The following VWA3B variants were observed in gnomAD, a reference collection of about 807,000 sequenced individuals.
The protein encoded by VWA3B is von Willebrand factor A domain-containing protein 3B.
Under a neutral mutation model 158.3 loss-of-function variants are expected in VWA3B, and 138 were observed. The observed-to-expected ratio is 0.87, with a 90% CI of 0.76 to 1.00. VWA3B has a LOEUF of 1.00. Ranked by LOEUF, VWA3B falls within the 50% of genes least tolerant of loss-of-function variation. The probability of loss-of-function intolerance (pLI) is 0.00; values close to 1 mark genes in which losing one functional copy is unlikely to be tolerated. For missense variants in VWA3B, 1,555 were observed against 1,565.1 expected, an observed-to-expected ratio of 0.99 and a Z score of 0.11; for synonymous variants, 596 against 587.3, an observed-to-expected ratio of 1.01 and a Z score of -0.21.
chr2:98,168,366 T>TACACACATACACAC (rs1299335759), intron 8 of VWA3B, among the ~76,000 whole-genome samples: 1 of 107,684 alleles, frequency 9.3e-6, no homozygotes, highest in Non-Finnish European at 2.0e-5. Context: ...TTCAATCTAA[T>TACACACATACACAC]ACACACACAT....
At chr2:98,226,103 T>C (rs1684899251) in intron 14 of VWA3B, among the ~76,000 whole-genome samples, 1 of 152,106 alleles carries the variant, frequency 6.6e-6, no homozygotes, top group South Asian at 2.1e-4. Flanking sequence ...ATATGACAAG[T>C]CACAGGCTCT....
chr2:98,195,102 T>A (rs1681930723), intron 12 of VWA3B, among the ~76,000 whole-genome samples: 1 of 152,204 alleles, frequency 6.6e-6, no homozygotes, highest in African/African-American at 2.4e-5. Flanking sequence ...CATTGCGAAC[T>A]TCCAAATATT....
At chr2:98,141,371 C>T (rs1278446860) in intron 7 of VWA3B, among the ~76,000 whole-genome samples, 1 of 152,134 alleles carries the variant, frequency 6.6e-6, no homozygotes, top group African/African-American at 2.4e-5. Context: ...GGTAAGGCCT[C>T]AGGAAACTTC....
chr2:98,146,784 T>C (rs1677205127), intron 7 of VWA3B, among the ~76,000 whole-genome samples: 1 of 152,178 alleles, frequency 6.6e-6, no homozygotes, highest in South Asian at 2.1e-4. Context: ...TCATTTACCC[T>C]CATAATTTCT....
chr2:98,252,819 C>T (rs1165954256), intron 20 of VWA3B, among the ~76,000 whole-genome samples: 3 of 152,146 alleles, frequency 2.0e-5, no homozygotes, highest in East Asian at 1.9e-4. Context: ...CCAAAACAAA[C>T]ATAGTAAGTC....
intron 13 of VWA3B, among the ~76,000 whole-genome samples, chr2:98,215,436 A>G (rs1683896722): frequency 6.6e-6 from 1 of 150,434 alleles, no homozygotes; most frequent in East Asian, 2.0e-4. Flanking sequence ...GCGAGACTCC[A>G]TCTAAAAAAA....
chr2:98,212,675 T>C (rs1171557325), intron 13 of VWA3B, among the ~76,000 whole-genome samples: 1 of 152,244 alleles, frequency 6.6e-6, no homozygotes, highest in East Asian at 1.9e-4. Context: ...GGTTTGCATA[T>C]GCAGACTGCT....
intron 7 of VWA3B, among the ~76,000 whole-genome samples, chr2:98,152,153 C>T (rs1243920000): frequency 6.6e-6 from 1 of 152,218 alleles, no homozygotes; most frequent in Non-Finnish European, 1.5e-5. Flanking sequence ...GCCTGTCCTT[C>T]CTCTACCACA....
chr2:98,258,463 A>G (rs1391662569), intron 21 of VWA3B, among the ~76,000 whole-genome samples: 2 of 151,984 alleles, frequency 1.3e-5, no homozygotes, highest in East Asian at 3.9e-4. Context: ...CATTTTAACA[A>G]TATTGTTTTC....
At chr2:98,098,068 T>C (rs932695905) in intron 2 of VWA3B, among the ~76,000 whole-genome samples, 2 of 152,182 alleles carry the variant, frequency 1.3e-5, no homozygotes, top group Non-Finnish European at 2.9e-5. Flanking sequence ...TTTTATACCA[T>C]TGTGGTCTGA....
At chr2:98,128,868 CT>C (rs1405749285) in intron 6 of VWA3B, among the ~76,000 whole-genome samples, 1 of 152,248 alleles carries the variant, frequency 6.6e-6, no homozygotes, top group East Asian at 1.9e-4. Context: ...TACCCTTCCT[CT>C]CCTGTTCCTT....
At chr2:98,164,380 T>C (rs1417739357) in intron 8 of VWA3B, among the ~76,000 whole-genome samples, 2 of 152,230 alleles carry the variant, frequency 1.3e-5, no homozygotes, top group Non-Finnish European at 2.9e-5. Flanking sequence ...AAGACTGATT[T>C]GCATTCCCTA....
chr2:98,162,538 T>C (rs937874312), intron 7 of VWA3B, among the ~76,000 whole-genome samples: 2 of 152,156 alleles, frequency 1.3e-5, no homozygotes, highest in Non-Finnish European at 2.9e-5. Flanking sequence ...TTGTGTGAGG[T>C]GCTTTTGAAT....
intron 8 of VWA3B, among the ~76,000 whole-genome samples, chr2:98,168,111 T>C (rs1235081226): frequency 1.3e-5 from 2 of 152,154 alleles, no homozygotes; most frequent in Non-Finnish European, 2.9e-5. Flanking sequence ...AAAAATGTCA[T>C]CCGTGATAAG....
intron 2 of VWA3B, among the ~76,000 whole-genome samples, chr2:98,111,585 AC>A (rs1160838170): frequency 1.3e-5 from 2 of 152,122 alleles, no homozygotes; most frequent in Non-Finnish European, 2.9e-5. Context: ...TTTTAATAGT[AC>A]CCATTGTGAC....
At chr2:98,135,696 G>C (rs1302582098) in intron 7 of VWA3B, among the ~76,000 whole-genome samples, 1 of 152,142 alleles carries the variant, frequency 6.6e-6, no homozygotes, top group Non-Finnish European at 1.5e-5. Flanking sequence ...CCATTTCAGT[G>C]ATCACATCTG....
chr2:98,327,167 C>T, the VWA3B span, among the ~76,000 whole-genome samples: 4 of 151,972 alleles, frequency 2.6e-5, no homozygotes, highest in Non-Finnish European at 2.9e-5. Context: ...GTGGCACATG[C>T]CTGTAGTCCC....
intron 22 of VWA3B, among the ~76,000 whole-genome samples, chr2:98,279,115 A>G (rs539765491): frequency 6.6e-6 from 1 of 152,214 alleles, no homozygotes; most frequent in Non-Finnish European, 1.5e-5. Context: ...GAAGCCCTTC[A>G]TTACTGTGCC....
intron 2 of VWA3B, among the ~76,000 whole-genome samples, chr2:98,112,696 CTTGG>C (rs1674236130): frequency 6.6e-6 from 1 of 151,618 alleles, no homozygotes; most frequent in Non-Finnish European, 1.5e-5. Context: ...TTAATCAAAT[CTTGG>C]AAATTTTCAA....
Sources: allele counts gnomAD v4.1 joint callset (sites outside exome capture counted in the v4.1 genomes callset), GRCh38; gene constraint gnomAD v4.1.1; transcripts MANE v1.5; gene names NCBI Gene and HGNC (gene_info 2026-07-23, HGNC 2026-07-21).